The following CHAF1B variants were observed in gnomAD, a reference collection of about 807,000 sequenced individuals.
The protein encoded by CHAF1B is CAF-1 subunit B.
Under a neutral mutation model 60.7 loss-of-function variants are expected in CHAF1B, and 10 were observed. The ratio of observed to expected loss-of-function variants is 0.16; its 90% CI spans 0.10 to 0.28. The LOEUF (loss-of-function observed/expected upper bound fraction) is 0.28. Ranked by LOEUF, CHAF1B falls within the 10% of genes least tolerant of loss-of-function variation. The pLI, the probability that CHAF1B is intolerant of heterozygous loss-of-function variation, is 1.00. For synonymous variants in CHAF1B, 261 were observed against 266.1 expected, an observed-to-expected ratio of 0.98 and a Z score of 0.19; for missense variants, 558 against 708.4, an observed-to-expected ratio of 0.79 and a Z score of 2.41.
intron 6 of CHAF1B, among the ~76,000 whole-genome samples, 188 bp from the exon 7 acceptor site, chr21:36,399,333 G>C (rs1329529413): frequency 6.6e-6 from 1 of 152,274 alleles, no homozygotes; most frequent in African/African-American, 2.4e-5. Flanking sequence ...ACCGCGCCCG[G>C]CCTGTAATAT....
chr21:36,391,490 A>G, intron 3 of CHAF1B, 61 bp from the exon 4 acceptor site: 1 of 1,069,652 alleles, frequency 9.3e-7, no homozygotes, highest in East Asian at 2.5e-5. Flanking sequence ...ATGAAAATAA[A>G]AATCCTAATA....
chr21:36,410,912 C>T (rs866335051), intron 10 of CHAF1B, among the ~76,000 whole-genome samples: 6 of 152,074 alleles, frequency 3.9e-5, no homozygotes, highest in Non-Finnish European at 7.3e-5. Context: ...CTGCCCGCCT[C>T]AGTTTCCTCT....
intron 9 of CHAF1B, 128 bp downstream of exon 9, chr21:36,408,958 G>C: frequency 1.6e-6 from 1 of 618,126 alleles, no homozygotes; most frequent in Non-Finnish European, 2.9e-6. Flanking sequence ...GGGTTCAAGT[G>C]ATTCTCCTGC....
intron 8 of CHAF1B, among the ~76,000 whole-genome samples, chr21:36,404,663 A>G (rs918081552): frequency 1.3e-4 from 18 of 142,752 alleles, no homozygotes; most frequent in Non-Finnish European, 2.4e-4. Context: ...CGAACTCCGG[A>G]CCTCAGGTGA....
rs369971894 is a variant in CHAF1B at position 36,416,239 on chromosome 21, A to G, written c.1589-36A>G. On this transcript the variant is annotated intron_variant, in intron 13 of 13. Transcript: ENST00000314103. ...CAGCCCTTGACTTCCAGAATTCTTC[A>G]TTTACTTGCCAACCTTATGTTTGTT... The G allele has an allele frequency of 5.5e-4, 863 of 1,571,024 alleles. 2 individuals carry two copies. The African/African-American group carries it at 0.01, about 19-fold the overall frequency.
In CHAF1B at chr21:36,418,058, AG is replaced by A. The variant is rs1187941798; in HGVS notation, c.*1694del. ...GAGACAGAGTCTCGCTCTGTCACCCAGGCTGGAGTGCAGTGGCGCAATCTCC... is the reference window on the plus strand; with the variant it reads ...GAGACAGAGTCTCGCTCTGTCACCCAGCTGGAGTGCAGTGGCGCAATCTCC... On this transcript the variant is annotated 3_prime_UTR_variant, in exon 14 of 14. Coordinates refer to ENST00000314103, the MANE Select transcript of CHAF1B (RefSeq NM_005441.3). The A allele has an allele frequency of 6.6e-6, 1 of 150,784 alleles. No individual in the cohort carries two copies. The highest frequency in any genetic ancestry group is 1.5e-5 in the Non-Finnish European group (1 of 67,840). 9.3% of individuals were successfully genotyped at this position (150,784 alleles called of 1,614,324 possible). A position where few individuals can be genotyped will look rare whatever the true frequency, so the allele number is the denominator to read the frequency against.
chr21:36,403,825 A>G (rs1346408387), intron 8 of CHAF1B, among the ~76,000 whole-genome samples: 6 of 152,210 alleles, frequency 3.9e-5, no homozygotes, highest in African/African-American at 1.4e-4. Flanking sequence ...CATCCTGTGC[A>G]TAGAGATGAC....
intron 5 of CHAF1B, among the ~76,000 whole-genome samples, chr21:36,395,111 C>T (rs946914861): frequency 3.3e-5 from 5 of 151,732 alleles, no homozygotes; most frequent in Non-Finnish European, 7.4e-5. Flanking sequence ...AGTGCAATGT[C>T]ACAATCTTAG....
intron 3 of CHAF1B, among the ~76,000 whole-genome samples, chr21:36,390,829 G>T (rs2086080906): frequency 6.6e-6 from 1 of 152,094 alleles, no homozygotes; most frequent in East Asian, 1.9e-4. Context: ...TAATTTTTTT[G>T]ATTTTTAGTA....
chr21:36,407,021 G>A (rs953472939), intron 8 of CHAF1B, among the ~76,000 whole-genome samples: 1 of 152,200 alleles, frequency 6.6e-6, no homozygotes, highest in Non-Finnish European at 1.5e-5. Flanking sequence ...CTGGAAACTG[G>A]CTGGGCATGG....
intron 11 of CHAF1B, among the ~76,000 whole-genome samples, chr21:36,412,389 T>A (rs1046588963): frequency 2.0e-5 from 3 of 151,310 alleles, no homozygotes; most frequent in African/African-American, 7.3e-5. Context: ...TGAAACAGAG[T>A]CTCACTGTCA....
chr21:36,415,918 A>C, intron 13 of CHAF1B: 1 of 318,848 alleles, frequency 3.1e-6, no homozygotes, highest in East Asian at 9.4e-5. Context: ...ACACCCGGGT[A>C]ATTTTTGTAT....
intron 6 of CHAF1B, among the ~76,000 whole-genome samples, chr21:36,398,417 T>C (rs200585395): frequency 1.3e-5 from 2 of 152,260 alleles, no homozygotes; most frequent in East Asian, 1.9e-4. Flanking sequence ...TGGAATGCAG[T>C]GGTGCGATCT....
In CHAF1B at chr21:36,390,333, C is replaced by CAAAAGAA. The variant is rs771597728; in HGVS notation, c.260-1214_260-1213insGAAAAAA. 1.5e-3 allele frequency among the ~76,000 whole-genome samples: 126 copies of CAAAAGAA among 81,916 alleles called. 1 individual carries two copies. Among genetic ancestry groups the CAAAAGAA allele is most frequent in the African/African-American group, 4.1e-3 (104 of 25,298 alleles). The allele number at this position is 81,916 out of a possible 152,430, so 53.7% of individuals were successfully genotyped here. The stretch of plus-strand genomic sequence containing the variant: ...GGGCAATAAGAGTGAAACACCATCT[C>CAAAAGAA]AAAAAAAAAAAAAAAAAAGAAAGAA... On this transcript the variant is annotated intron_variant, in intron 3 of 13. Coordinates refer to ENST00000314103, the MANE Select transcript of CHAF1B (RefSeq NM_005441.3).
chr21:36,391,537 G>T lies in CHAF1B; in HGVS notation c.260-14G>T. 1.3e-6 allele frequency: 2 copies of T among 1,505,178 alleles called. No homozygotes were observed. The highest frequency in any genetic ancestry group is 2.3e-5 in the South Asian group (2 of 88,700). 93.2% of individuals were successfully genotyped at this position (1,505,178 alleles called of 1,614,324 possible). A position where few individuals can be genotyped will look rare whatever the true frequency, so the allele number is the denominator to read the frequency against. The stretch of plus-strand genomic sequence containing the variant: ...GGGTGAAGCGTGGATCACTGTTACT[G>T]AATCACCCTGCAGATGCTGTCATCC... On this transcript the variant is annotated splice_polypyrimidine_tract_variant and intron_variant, in intron 3 of 13. Transcript: ENST00000314103.
At chr21:36,408,092 T>C (rs1023164574) in intron 8 of CHAF1B, among the ~76,000 whole-genome samples, 2 of 152,234 alleles carry the variant, frequency 1.3e-5, no homozygotes, top group Non-Finnish European at 2.9e-5. Context: ...TATGTAAAGT[T>C]ACGTGTGTGT....
chr21:36,413,769 T>G (rs182680817), intron 12 of CHAF1B, among the ~76,000 whole-genome samples: 1 of 152,334 alleles, frequency 6.6e-6, no homozygotes, highest in Non-Finnish European at 1.5e-5. Context: ...CCTCTCTGTT[T>G]GCAGTCTTTG....
In CHAF1B at chr21:36,387,219, G is replaced by GTTTTTTTTTTT. The variant is rs1471540790; in HGVS notation, c.127-375_127-374insTTTTTTTTTTT. On this transcript the variant is annotated intron_variant, in intron 2 of 13. Transcript: ENST00000314103. ...AGTTTTCTTTCTGAAAATAAGCATAGTTTTGTTTTTTTTTTTTTTTTGAGA... is the reference window on the plus strand; with the variant it reads ...AGTTTTCTTTCTGAAAATAAGCATAGTTTTTTTTTTTTTTTGTTTTTTTTTTTTTTTTGAGA... Among the ~76,000 whole-genome samples the GTTTTTTTTTTT allele has an allele frequency of 2.8e-4, 39 of 141,368 alleles. 1 individual carries two copies. The highest frequency in any genetic ancestry group is 9.3e-4 in the African/African-American group (35 of 37,740). 92.7% of individuals were successfully genotyped at this position (141,368 alleles called of 152,430 possible).
chr21:36,392,359 A>G (rs950085859), intron 4 of CHAF1B, among the ~76,000 whole-genome samples: 7 of 152,106 alleles, frequency 4.6e-5, no homozygotes, highest in African/African-American at 1.2e-4. Flanking sequence ...TGATTTCTCT[A>G]TCTTTTCCCC....
Sources: gnomAD v4.1 joint callset for allele counts (sites outside exome capture counted in the v4.1 genomes callset) on GRCh38, gnomAD v4.1.1 for gene constraint, MANE v1.5 for transcripts, NCBI Gene and HGNC (gene_info 2026-07-23, HGNC 2026-07-21) for gene names.